AGO3: variants seen among roughly 807,000 people sequenced by gnomAD.
AGO3 encodes protein argonaute-3.
In AGO3, 16 loss-of-function variants were observed where a neutral mutation model predicts 105.5. The ratio of observed to expected loss-of-function variants is 0.15; its 90% CI spans 0.10 to 0.23. The LOEUF is 0.23. Ranked by LOEUF, AGO3 falls within the 10% of genes least tolerant of loss-of-function variation. The pLI is 1.00. For missense variants in AGO3, 534 were observed against 1,088.0 expected, an observed-to-expected ratio of 0.49 and a Z score of 7.16; for synonymous variants, 340 against 367.3, an observed-to-expected ratio of 0.93 and a Z score of 0.85.
At position 36,039,894 on chromosome 1, in the gene AGO3, A is replaced by T. The variant is rs1372586472; in HGVS notation, c.1947A>T (p.Glu649Asp). 6.2e-7 allele frequency: 1 copy of T among 1,614,050 alleles called. No homozygotes were observed. The change falls in exon 15 of 19, where the codon GAA becomes GAT. Residue 649 changes from glutamate to aspartate, a missense_variant. Physicochemically the swap from Glu to Asp is conservative, Grantham distance 45. Transcript: ENST00000373191. ...AGGACTTGGCCTCCATGGTCCGGGA[A>T]CTTCTTATTCAATTTTATAAGTCAA... The part of the protein sequence containing the change: ...IIQDLASMVR[E>D]LLIQFYKSTR...
intron 8 of AGO3, 185 bp from the exon 9 acceptor site, chr1:36,009,290 C>T (rs1640479769): frequency 1.2e-6 from 1 of 821,030 alleles, no homozygotes; most frequent in East Asian, 2.9e-5. Flanking sequence ...ATCTGGTGTA[C>T]ATTTTACTTA....
In AGO3 at chr1:35,932,200, A is replaced by T. The variant is rs577243904; in HGVS notation, c.19+755A>T. Reference sequence around the variant, plus strand: ...TGCAACATGGATAGTACTTGTCCTTAAAAAAGGAAAAGTATTGTTTATGGT... The same window carrying T: ...TGCAACATGGATAGTACTTGTCCTTTAAAAAGGAAAAGTATTGTTTATGGT... On this transcript the variant is annotated intron_variant, in intron 1 of 18. Coordinates refer to ENST00000373191, the MANE Select transcript of AGO3 (RefSeq NM_024852.4). Among the ~76,000 whole-genome samples the T allele has an allele frequency of 8.5e-4, 130 of 152,310 alleles. 1 individual carries two copies. Among genetic ancestry groups the T allele is most frequent in the African/African-American group, 3.1e-3 (128 of 41,552 alleles).
intron 2 of AGO3, among the ~76,000 whole-genome samples, chr1:35,954,735 T>C (rs1471871720): frequency 6.6e-6 from 1 of 152,246 alleles, no homozygotes; most frequent in Non-Finnish European, 1.5e-5. Flanking sequence ...AGTGACAAAT[T>C]CTGTGATATG....
chr1:35,986,917 A>G (rs1318202376), intron 5 of AGO3, among the ~76,000 whole-genome samples: 2 of 151,730 alleles, frequency 1.3e-5, no homozygotes, highest in Admixed American at 6.6e-5. Context: ...AATCACTTGA[A>G]CCCAGAAGGC....
At chr1:36,005,622 T>C (rs1207676210) in intron 6 of AGO3, 1 of 642,438 alleles carries the variant, frequency 1.6e-6, no homozygotes, top group Non-Finnish European at 1.9e-6. Context: ...TGGTTTCCAG[T>C]GGAGTTGCTG....
chr1:36,051,921 A>G (rs576296171), intron 17 of AGO3, among the ~76,000 whole-genome samples: 1 of 152,210 alleles, frequency 6.6e-6, no homozygotes, highest in South Asian at 2.1e-4. Flanking sequence ...CATTATCAAA[A>G]AGACAAAGAA....
chr1:36,033,206 G>A (rs1355612790), intron 12 of AGO3, among the ~76,000 whole-genome samples: 1 of 151,776 alleles, frequency 6.6e-6, no homozygotes, highest in African/African-American at 2.4e-5. Flanking sequence ...GTGAGGTGGT[G>A]CACACCTGTA....
intron 5 of AGO3, among the ~76,000 whole-genome samples, chr1:35,981,346 C>T (rs999715163): frequency 2.0e-5 from 3 of 152,140 alleles, no homozygotes; most frequent in African/African-American, 4.8e-5. Flanking sequence ...GGAACACCTT[C>T]GGAGCAAGAT....
chr1:36,013,390 A>G lies in AGO3; in HGVS notation c.1150-240A>G, dbSNP rs1038591839. On this transcript the variant is annotated intron_variant, in intron 9 of 18. Coordinates refer to ENST00000373191, the MANE Select transcript of AGO3 (RefSeq NM_024852.4). Reference sequence around the variant, plus strand: ...ATGCCAGGCCAAAATGTATTATTCAACCTAATGCATACATACAAATTTTGT... The same window carrying G: ...ATGCCAGGCCAAAATGTATTATTCAGCCTAATGCATACATACAAATTTTGT... The G allele has an allele frequency of 2.4e-5, 10 of 420,410 alleles. No individual in the cohort carries two copies. The Admixed American group carries it at 3.0e-4, about 13-fold the overall frequency. The allele number at this position is 420,410 out of a possible 1,614,324, so 26.0% of individuals were successfully genotyped here. A position where few individuals can be genotyped will look rare whatever the true frequency, so the allele number is the denominator to read the frequency against.
Position 35,931,225 on chromosome 1 carries a change from C to G in AGO3, c.-202C>G, listed in dbSNP as rs947694308. ...GCCTCACATCTCCCCTTCCTCTCGC[C>G]TAGTCCTGTGCCGTTTTCCGTCCGC... On this transcript the variant is annotated 5_prime_UTR_variant, in exon 1 of 19. Coordinates refer to ENST00000373191, the MANE Select transcript of AGO3 (RefSeq NM_024852.4). 16 of 430,418 alleles carry G rather than the reference C, an allele frequency of 3.7e-5. No individual in the cohort carries two copies. In the South Asian group the frequency reaches 9.4e-4, roughly 25 times the overall value. The allele number at this position is 430,418 out of a possible 1,614,324, so 26.7% of individuals were successfully genotyped here. A position where few individuals can be genotyped will look rare whatever the true frequency, so the allele number is the denominator to read the frequency against.
At chr1:35,964,563 T>C (rs1646739080) in intron 2 of AGO3, among the ~76,000 whole-genome samples, 1 of 152,212 alleles carries the variant, frequency 6.6e-6, no homozygotes, top group Non-Finnish European at 1.5e-5. Context: ...TCTTTGCTAT[T>C]GTGAATAGTG....
intron 5 of AGO3, among the ~76,000 whole-genome samples, chr1:36,002,557 C>T (rs1640135659): frequency 6.6e-6 from 1 of 151,832 alleles, no homozygotes; most frequent in Admixed American, 6.6e-5. Flanking sequence ...GTTTTGAACT[C>T]CTGAGCTCAG....
rs1643066257 is a variant in AGO3, at chr1:36,064,619, T to G, written c.*8874T>G. ...ACTGAGAGGCAAGGAAATGGGAAAG[T>G]GTCAGGTAATTATAAATGGGAAAAT... On this transcript the variant is annotated 3_prime_UTR_variant, in exon 19 of 19. Coordinates refer to ENST00000373191, the MANE Select transcript of AGO3 (RefSeq NM_024852.4). 6.6e-6 allele frequency: 1 copy of G among 152,144 alleles called. No homozygotes were observed. The highest frequency in any genetic ancestry group is 1.5e-5 in the Non-Finnish European group (1 of 68,026). 9.4% of individuals were successfully genotyped at this position (152,144 alleles called of 1,614,324 possible). A position where few individuals can be genotyped will look rare whatever the true frequency, so the allele number is the denominator to read the frequency against.
chr1:35,980,236 T>C (rs665521), intron 5 of AGO3, among the ~76,000 whole-genome samples: 35,982 of 152,040 alleles, frequency 0.24, 7,011 homozygotes, highest in East Asian at 0.69. Flanking sequence ...ATTTTATTGC[T>C]CTTTATAATT....
intron 6 of AGO3, among the ~76,000 whole-genome samples, chr1:36,007,215 A>G (rs1408887105): frequency 2.0e-5 from 3 of 152,204 alleles, no homozygotes; most frequent in Admixed American, 6.5e-5. Flanking sequence ...AATATGACAA[A>G]GAGTAATAAC....
At chr1:36,043,980 C>G (rs1642357062) in intron 17 of AGO3, among the ~76,000 whole-genome samples, 1 of 152,042 alleles carries the variant, frequency 6.6e-6, no homozygotes, top group Admixed American at 6.6e-5. Flanking sequence ...CAACAGGCCT[C>G]CACACTCAGC....
intron 5 of AGO3, among the ~76,000 whole-genome samples, chr1:35,999,127 T>C (rs1639971424): frequency 6.6e-6 from 1 of 152,110 alleles, no homozygotes; most frequent in African/African-American, 2.4e-5. Context: ...CCAAAGCAGG[T>C]GGATCACCTG....
chr1:36,035,348 C>G (rs550248309), intron 13 of AGO3, among the ~76,000 whole-genome samples: 6 of 152,266 alleles, frequency 3.9e-5, no homozygotes, highest in Admixed American at 3.9e-4. Context: ...CTGCAGTGAA[C>G]TGTGATTACG....
chr1:36,031,888 ATGTGTG>A (rs146994330), intron 12 of AGO3, among the ~76,000 whole-genome samples: 1,706 of 131,062 alleles, frequency 0.013, 41 homozygotes, highest in African/African-American at 0.042. Flanking sequence ...TTGTTTGTAT[ATGTGTG>A]TGTGGGGGGG....
Sources: gnomAD v4.1 joint callset for allele counts (sites outside exome capture counted in the v4.1 genomes callset) on GRCh38, gnomAD v4.1.1 for gene constraint, MANE v1.5 for transcripts, NCBI Gene and HGNC (gene_info 2026-07-23, HGNC 2026-07-21) for gene names.